SHANK2: variants seen among roughly 807,000 people sequenced by gnomAD.
SHANK2 encodes the protein SH3 and multiple ankyrin repeat domains 2, also known as SH3 and multiple ankyrin repeat domains protein 2.
In SHANK2, 43 loss-of-function variants were observed where a neutral mutation model predicts 133.7. The ratio of observed to expected loss-of-function variants is 0.32; its 90% CI spans 0.25 to 0.41. The LOEUF (loss-of-function observed/expected upper bound fraction) is 0.41, where lower values mean the gene tolerates loss of function less well. SHANK2 is among the 10% of genes least tolerant of loss of function. The pLI is 1.00. For synonymous variants in SHANK2, 1,017 were observed against 952.8 expected, an observed-to-expected ratio of 1.07 and a Z score of -1.24; for missense variants, 1,994 against 2,235.8, an observed-to-expected ratio of 0.89 and a Z score of 2.18.
At chr11:71,102,906 T>C (rs782040270) in intron 6 of SHANK2, among the ~76,000 whole-genome samples, 13 of 152,198 alleles carry the variant, frequency 8.5e-5, no homozygotes, top group Non-Finnish European at 1.3e-4. Context: ...GCATTGCTCA[T>C]GGTTTTGGAG....
At chr11:71,122,211 G>A (rs1952094737) in intron 3 of SHANK2, among the ~76,000 whole-genome samples, 5 of 152,182 alleles carry the variant, frequency 3.3e-5, no homozygotes, top group Admixed American at 3.3e-4. Context: ...GTTTACTGCG[G>A]CACTATTCAC....
At chr11:70,839,492 G>A (rs1371445735) in intron 11 of SHANK2, among the ~76,000 whole-genome samples, 1 of 152,222 alleles carries the variant, frequency 6.6e-6, no homozygotes, top group Non-Finnish European at 1.5e-5. Flanking sequence ...TGGGACCACT[G>A]ACTACGTAAG....
intron 2 of SHANK2, among the ~76,000 whole-genome samples, chr11:71,211,183 G>A (rs1954271097): frequency 6.9e-6 from 1 of 144,406 alleles, no homozygotes; most frequent in Admixed American, 7.0e-5. Flanking sequence ...TGTCCTATTG[G>A]TCAATTTCCT....
chr11:70,507,011 G>A (rs1299099501), intron 17 of SHANK2, among the ~76,000 whole-genome samples: 1 of 152,242 alleles, frequency 6.6e-6, no homozygotes, highest in African/African-American at 2.4e-5. Context: ...TAACTTAGCT[G>A]TCACAATTTA....
intron 17 of SHANK2, among the ~76,000 whole-genome samples, chr11:70,612,290 A>G (rs2060669432): frequency 6.6e-6 from 1 of 152,122 alleles, no homozygotes; most frequent in Non-Finnish European, 1.5e-5. Context: ...GGAAACGCAG[A>G]GGGGAAAGGA....
chr11:70,854,742 G>A (rs1458999536), intron 11 of SHANK2, among the ~76,000 whole-genome samples: 2 of 152,174 alleles, frequency 1.3e-5, no homozygotes, highest in African/African-American at 4.8e-5. Flanking sequence ...GGGGAGCCCA[G>A]GGAGAAACAC....
In SHANK2 at chr11:71,175,556, GAGAGAGAGA is replaced by G. The variant is rs1565496334; in HGVS notation, c.-12-28227_-12-28219del. On this transcript the variant is annotated intron_variant, in intron 2 of 25. Coordinates refer to ENST00000601538, the MANE Select transcript of SHANK2 (RefSeq NM_012309.5). The surrounding 1 kb of genome is among the most constrained non-coding windows in gnomAD (Gnocchi z 4.2). ...AGACAGAGGGAGAGGGAGAGGGAGA[GAGAGAGAGA>G]GAGAGAGAGAGAGAGAGAGAGAGAG... Among the ~76,000 whole-genome samples the G allele has an allele frequency of 6.7e-3, 395 of 58,570 alleles. 4 individuals carry two copies. Among genetic ancestry groups the G allele is most frequent in the African/African-American group, 0.026 (287 of 11,054 alleles). 38.4% of individuals were successfully genotyped at this position (58,570 alleles called of 152,430 possible). A position where few individuals can be genotyped will look rare whatever the true frequency, so the allele number is the denominator to read the frequency against.
intron 11 of SHANK2, chr11:70,873,068 G>T (rs782760860): frequency 1.3e-5 from 6 of 471,226 alleles, no homozygotes; most frequent in Middle Eastern, 3.2e-4. Context: ...TGCCTCCCGG[G>T]TGGCGACCCT....
chr11:70,504,832 C>T (rs1554968049), intron 17 of SHANK2, among the ~76,000 whole-genome samples: 4 of 152,266 alleles, frequency 2.6e-5, no homozygotes, highest in East Asian at 3.9e-4. Context: ...AGGACCCTCG[C>T]TGCTCTGGTA....
chr11:70,724,039 CTTTT>C (rs11342822), intron 14 of SHANK2, among the ~76,000 whole-genome samples: 1 of 143,860 alleles, frequency 7.0e-6, no homozygotes. Context: ...AAAGTTCATT[CTTTT>C]TTTTTTTTTT....
At chr11:71,120,836 T>C (rs1196094476) in intron 3 of SHANK2, among the ~76,000 whole-genome samples, 2 of 152,138 alleles carry the variant, frequency 1.3e-5, no homozygotes, top group African/African-American at 4.8e-5. Flanking sequence ...CAATTCAAGC[T>C]CCAACATCCA....
chr11:70,708,937 G>T (rs367678445), intron 14 of SHANK2, among the ~76,000 whole-genome samples: 1 of 152,320 alleles, frequency 6.6e-6, no homozygotes, highest in Admixed American at 6.5e-5. Context: ...AGGGCAGGGC[G>T]TGGTGGCTCA....
intron 14 of SHANK2, among the ~76,000 whole-genome samples, chr11:70,733,032 G>A (rs1453688360): frequency 6.6e-6 from 1 of 152,240 alleles, no homozygotes; most frequent in East Asian, 1.9e-4. Context: ...AAGCAGTGGC[G>A]AGGGCACAGG....
At chr11:71,231,942 T>C (rs926272461) in intron 1 of SHANK2, among the ~76,000 whole-genome samples, 2 of 151,428 alleles carry the variant, frequency 1.3e-5, no homozygotes, top group Admixed American at 1.3e-4. Flanking sequence ...AGCAGCTTTA[T>C]TCATAATAGC....
At chr11:70,891,678 T>C (rs1555074748) in intron 11 of SHANK2, among the ~76,000 whole-genome samples, 1 of 152,056 alleles carries the variant, frequency 6.6e-6, no homozygotes. Context: ...CAGAGGTGAC[T>C]ATGCAGCACC....
In SHANK2 at chr11:70,487,361, G is replaced by A. The variant is rs781820650; in HGVS notation, c.2932C>T (p.Arg978Cys). ...TCTGGCATCTGGCCTCTCTTGTTGC[G>A]GAAGTTGGCTTGCGGGCCGGCATTC... Reference protein sequence around the residue: ...SRNAGPQANFRNKRGQMPENP... With the variant: ...SRNAGPQANFCNKRGQMPENP... Residue 978 changes from arginine to cysteine, a missense_variant, in exon 25 of 26, where the codon CGC becomes TGC. Coordinates refer to ENST00000601538, the MANE Select transcript of SHANK2 (RefSeq NM_012309.5). The surrounding 1 kb of genome is among the most constrained non-coding windows in gnomAD (Gnocchi z 5.8). 3.1e-6 allele frequency: 5 copies of A among 1,614,144 alleles called. No homozygotes were observed. Among genetic ancestry groups the A allele is most frequent in the Admixed American group, 1.7e-5 (1 of 60,016 alleles).
chr11:71,166,714 C>G (rs1953158828), intron 2 of SHANK2, among the ~76,000 whole-genome samples: 1 of 151,556 alleles, frequency 6.6e-6, no homozygotes, highest in Non-Finnish European at 1.5e-5. Context: ...AACTCCTGAC[C>G]TCAAGTGATC....
intron 11 of SHANK2, chr11:70,863,988 C>T: frequency 2.5e-6 from 1 of 392,556 alleles, no homozygotes; most frequent in East Asian, 7.2e-5. Context: ...CTTATGGCAG[C>T]CCCAGCAAAC....
intron 3 of SHANK2, among the ~76,000 whole-genome samples, chr11:71,120,488 A>G (rs1324532793): frequency 1.2e-4 from 19 of 152,014 alleles, no homozygotes; most frequent in Non-Finnish European, 2.4e-4. Context: ...TCGCTGGGAA[A>G]ATGATCCTGG....
Sources: gnomAD v4.1 joint callset for allele counts (sites outside exome capture counted in the v4.1 genomes callset) on GRCh38, gnomAD v4.1.1 for gene constraint, Gnocchi (gnomAD v3.1) non-coding constraint, MANE v1.5 for transcripts, NCBI Gene and HGNC (gene_info 2026-07-23, HGNC 2026-07-21) for gene names.